Variants in CTNNA3 observed in about 807,000 individuals in gnomAD.
The protein encoded by CTNNA3 is catenin alpha 3.
In CTNNA3, 76 loss-of-function variants were observed where a neutral mutation model predicts 95.7. That is an observed-to-expected ratio of 0.79 (90% CI 0.66 to 0.96). The LOEUF (loss-of-function observed/expected upper bound fraction) is 0.96. CTNNA3 is among the 40% of genes least tolerant of loss of function. The probability of loss-of-function intolerance (pLI) is 0.00; values close to 1 mark genes in which losing one functional copy is unlikely to be tolerated. For missense variants in CTNNA3, 1,191 were observed against 1,089.8 expected, an observed-to-expected ratio of 1.09 and a Z score of -1.31; for synonymous variants, 431 against 374.4, an observed-to-expected ratio of 1.15 and a Z score of -1.74.
At chr10:66,943,042 T>C (rs1848093488) in intron 7 of CTNNA3, among the ~76,000 whole-genome samples, 1 of 152,076 alleles carries the variant, frequency 6.6e-6, no homozygotes, top group Non-Finnish European at 1.5e-5. Flanking sequence ...AAATTTGGAG[T>C]CACATTAATA....
intron 13 of CTNNA3, among the ~76,000 whole-genome samples, chr10:66,255,391 A>T (rs981649814): frequency 2.6e-5 from 4 of 152,204 alleles, no homozygotes; most frequent in African/African-American, 9.6e-5. Flanking sequence ...GCATTCTTAT[A>T]AAGTGGTCCC....
intron 11 of CTNNA3, among the ~76,000 whole-genome samples, chr10:66,451,944 T>C (rs2093467397): frequency 6.6e-6 from 1 of 152,150 alleles, no homozygotes; most frequent in South Asian, 2.1e-4. Flanking sequence ...CTTCCAAATT[T>C]GAACTGCACT....
chr10:66,435,675 T>A (rs889330093), intron 11 of CTNNA3, among the ~76,000 whole-genome samples: 1 of 152,184 alleles, frequency 6.6e-6, no homozygotes, highest in Non-Finnish European at 1.5e-5. Flanking sequence ...TGTCTCTATC[T>A]CCTTCAGTTC....
chr10:67,625,028 G>A (rs1308281930), intron 2 of CTNNA3, among the ~76,000 whole-genome samples: 5 of 152,032 alleles, frequency 3.3e-5, no homozygotes, highest in Admixed American at 1.3e-4. Flanking sequence ...TTTTGACCAC[G>A]TAGGAGCCCT....
At chr10:66,191,629 A>G (rs1252345153) in intron 13 of CTNNA3, among the ~76,000 whole-genome samples, 1 of 152,040 alleles carries the variant, frequency 6.6e-6, no homozygotes, top group Non-Finnish European at 1.5e-5. Flanking sequence ...AAAAAAAAAA[A>G]AACTCCTGTA....
chr10:67,735,115 T>G (rs1841295411), intron 1 of CTNNA3, among the ~76,000 whole-genome samples: 1 of 145,828 alleles, frequency 6.9e-6, no homozygotes, highest in East Asian at 2.1e-4. Context: ...TGTCCACCCT[T>G]CCAGCAAGTG....
chr10:66,249,902 T>C (rs1432544908), intron 13 of CTNNA3, among the ~76,000 whole-genome samples: 4 of 152,116 alleles, frequency 2.6e-5, no homozygotes, highest in Non-Finnish European at 4.4e-5. Flanking sequence ...GCAAGGTATA[T>C]ACCCAAAGGA....
chr10:67,641,071 C>T (rs2133463578), intron 2 of CTNNA3, among the ~76,000 whole-genome samples: 1 of 152,186 alleles, frequency 6.6e-6, no homozygotes, highest in East Asian at 1.9e-4. Context: ...AATAGGCAAC[C>T]TACAGAATGG....
At position 65,937,110 on chromosome 10, in the gene CTNNA3, T is replaced by C. The variant is rs564841336; in HGVS notation, c.2401-16493A>G. ...TTCCACTCATAGTCACCACAATGTA[T>C]TTATTGTATCTCCTAAAGCTCTTAA... On this transcript the variant is annotated intron_variant, in intron 17 of 17. Transcript: ENST00000433211. Among the ~76,000 whole-genome samples, 17 of 152,214 alleles carry C rather than the reference T, an allele frequency of 1.1e-4. No homozygotes were observed. In the South Asian group the frequency reaches 3.5e-3, roughly 32 times the overall value.
intron 7 of CTNNA3, among the ~76,000 whole-genome samples, chr10:66,987,885 T>G (rs1488998562): frequency 6.6e-6 from 1 of 152,318 alleles, no homozygotes; most frequent in East Asian, 1.9e-4. Context: ...AAGGAACTCC[T>G]TTTTATGCAG....
At chr10:67,507,410 C>T (rs948794362) in intron 5 of CTNNA3, among the ~76,000 whole-genome samples, 4 of 151,942 alleles carry the variant, frequency 2.6e-5, no homozygotes, top group Non-Finnish European at 4.4e-5. Context: ...CGCCTGTAAT[C>T]CCAGCTACTC....
intron 8 of CTNNA3, among the ~76,000 whole-genome samples, chr10:66,773,354 G>A (rs1840171779): frequency 6.6e-6 from 1 of 152,174 alleles, no homozygotes; most frequent in Non-Finnish European, 1.5e-5. Flanking sequence ...TGACTTTGGA[G>A]CTAAGGCACT....
rs1195387210 is a variant in CTNNA3, at chr10:66,447,445, C to A, written c.1532-68093G>T. ...GACTATACTCCAAGGCTACAGTAAC[C>A]AAAACAGCATGGTACTGGTACCAAA... On this transcript the variant is annotated intron_variant, in intron 11 of 17. Coordinates refer to ENST00000433211, the MANE Select transcript of CTNNA3 (RefSeq NM_013266.4). Among the ~76,000 whole-genome samples the A allele has an allele frequency of 1.5e-5, 2 of 131,454 alleles. 1 individual carries two copies. The highest frequency in any genetic ancestry group is 3.2e-5 in the Non-Finnish European group (2 of 62,642). The allele number at this position is 131,454 out of a possible 152,430, so 86.2% of individuals were successfully genotyped here.
chr10:66,143,369 T>C (rs1238362316), intron 13 of CTNNA3, among the ~76,000 whole-genome samples: 1 of 152,130 alleles, frequency 6.6e-6, no homozygotes, highest in African/African-American at 2.4e-5. Flanking sequence ...GGTCCATAAT[T>C]GTTTTTAAGT....
At chr10:67,025,174 A>AAGG (rs371545600) in intron 7 of CTNNA3, among the ~76,000 whole-genome samples, 7 of 151,144 alleles carry the variant, frequency 4.6e-5, no homozygotes, top group African/African-American at 1.5e-4. Context: ...GGAAGGAAGG[A>AAGG]AAGAAAGAAA....
intron 13 of CTNNA3, among the ~76,000 whole-genome samples, chr10:66,188,489 C>T (rs1488903152): frequency 3.3e-5 from 5 of 149,422 alleles, no homozygotes; most frequent in African/African-American, 1.2e-4. Context: ...TGTCTTTTTG[C>T]ATTTGGCTTA....
intron 5 of CTNNA3, among the ~76,000 whole-genome samples, chr10:67,490,021 T>G (rs1202064599): frequency 6.6e-6 from 1 of 152,162 alleles, no homozygotes; most frequent in Non-Finnish European, 1.5e-5. Flanking sequence ...GCACCAATCT[T>G]AATGTAATTT....
At chr10:66,602,440 G>GA (rs1277807230) in intron 10 of CTNNA3, among the ~76,000 whole-genome samples, 2 of 151,808 alleles carry the variant, frequency 1.3e-5, no homozygotes, top group African/African-American at 4.8e-5. Flanking sequence ...ACAAGTCCAG[G>GA]ATATCTTATT....
intron 5 of CTNNA3, among the ~76,000 whole-genome samples, chr10:67,303,526 T>C (rs1203286618): frequency 6.6e-6 from 1 of 152,252 alleles, no homozygotes; most frequent in Admixed American, 6.5e-5. Flanking sequence ...ACCCAAGTTT[T>C]GATAAAACTC....
Sources: gnomAD v4.1 joint callset for allele counts (sites outside exome capture counted in the v4.1 genomes callset) on GRCh38, gnomAD v4.1.1 for gene constraint, MANE v1.5 for transcripts, NCBI Gene and HGNC (gene_info 2026-07-23, HGNC 2026-07-21) for gene names.